The following ASCC3 variants were observed in gnomAD, a reference collection of about 807,000 sequenced individuals.
The protein encoded by ASCC3 is activating signal cointegrator 1 complex subunit 3.
In ASCC3, 158 loss-of-function variants were observed where a neutral mutation model predicts 256.3. The observed-to-expected ratio is 0.62, with a 90% CI of 0.54 to 0.70. The LOEUF is 0.70. ASCC3 is among the 30% of genes least tolerant of loss of function. The pLI is 0.00. For missense variants in ASCC3, 2,259 were observed against 2,626.0 expected (o/e 0.86, Z 3.05); for synonymous variants, 948 against 883.4 (o/e 1.07, Z -1.30).
intron 36 of ASCC3, among the ~76,000 whole-genome samples, chr6:100,585,866 G>C (rs1194355308): frequency 2.0e-5 from 3 of 152,172 alleles, no homozygotes; most frequent in Non-Finnish European, 4.4e-5. Context: ...GTTTGCCTGG[G>C]TATCAGCAGC....
chr6:100,534,692 G>C (rs1005514964), intron 37 of ASCC3, among the ~76,000 whole-genome samples: 1 of 152,102 alleles, frequency 6.6e-6, no homozygotes, highest in Non-Finnish European at 1.5e-5. Context: ...CATATTGAAA[G>C]GAACCATGAC....
At chr6:100,533,035 T>C (rs1446126268) in intron 37 of ASCC3, among the ~76,000 whole-genome samples, 1 of 152,116 alleles carries the variant, frequency 6.6e-6, no homozygotes. Flanking sequence ...GTTATAGTTA[T>C]TGTTTTCAGA....
At chr6:100,721,436 A>T (rs929498435) in intron 11 of ASCC3, among the ~76,000 whole-genome samples, 6 of 151,732 alleles carry the variant, frequency 4.0e-5, no homozygotes. Flanking sequence ...CCTTTGTGTA[A>T]ATCATGCCCT....
Position 100,767,134 on chromosome 6 carries a change from T to G in ASCC3, c.1596+11A>C. ...CAATTTAAAAAGCTGTTGTCTGATT[T>G]ATTTACTTACCTTAAATTCATTCTT... is the stretch of plus-strand genomic sequence containing the variant. On this transcript the variant is annotated intron_variant, in intron 9 of 41. Transcript: ENST00000369162. 4 of 1,611,486 alleles carry G rather than the reference T, an allele frequency of 2.5e-6. No individual in the cohort carries two copies. In the South Asian group the frequency reaches 3.3e-5, roughly 13 times the overall value.
intron 19 of ASCC3, 121 bp from the exon 20 acceptor site, chr6:100,650,835 T>TGCA: frequency 2.5e-6 from 2 of 795,156 alleles, no homozygotes; most frequent in South Asian, 3.2e-5. Context: ...AGCATTTTTC[T>TGCA]TTCATAGAGT....
chr6:100,727,682 A>AACAAC (rs1554220776), intron 10 of ASCC3, among the ~76,000 whole-genome samples: 27,716 of 144,808 alleles, frequency 0.19, 3,033 homozygotes, highest in Middle Eastern at 0.34. Flanking sequence ...ACAACAACAA[A>AACAAC]AAAGGGTCTA....
intron 4 of ASCC3, among the ~76,000 whole-genome samples, chr6:100,819,033 G>C (rs528982967): frequency 6.6e-6 from 1 of 152,112 alleles, no homozygotes; most frequent in Non-Finnish European, 1.5e-5. Flanking sequence ...GATGAAGCTA[G>C]AAACCATCAT....
At chr6:100,580,688 C>T (rs919025045) in intron 36 of ASCC3, among the ~76,000 whole-genome samples, 2 of 151,470 alleles carry the variant, frequency 1.3e-5, no homozygotes, top group African/African-American at 2.4e-5. Context: ...CCCACTAACT[C>T]GTCATCTAGC....
chr6:100,850,001 G>A (rs1772580397), intron 3 of ASCC3, among the ~76,000 whole-genome samples: 1 of 149,210 alleles, frequency 6.7e-6, no homozygotes, highest in Non-Finnish European at 1.5e-5. Context: ...TCGAGAGGCT[G>A]AGGCAGGAGG....
chr6:100,516,353 A>G, intron 38 of ASCC3, 26 bp from the exon 39 acceptor site: 1 of 1,613,098 alleles, frequency 6.2e-7, no homozygotes, highest in Non-Finnish European at 8.5e-7. Context: ...AAACCAACCA[A>G]ATAATTGTTT....
chr6:100,518,006 T>C lies in ASCC3; in HGVS notation c.5912A>G (p.His1971Arg), dbSNP rs757342455. ...AAACAATTACTTGAAAAGGTGAAGA[T>C]GATGGTTTTCTATGTTTGGTAGTGT... ...LLTLPNIENH[H>R]LHLFKKWKPI... Residue 1971 changes from histidine to arginine, a missense_variant, in exon 38 of 42, where the codon CAT becomes CGT. Around this residue, in one of 2 missense-constraint regions of ASCC3, gnomAD observed 1,839 missense variants for 2,206.7 expected, o/e 0.83. Transcript: ENST00000369162. The C allele has an allele frequency of 1.9e-6, 3 of 1,613,410 alleles. No individual in the cohort carries two copies. The highest frequency in any genetic ancestry group is 2.5e-6 in the Non-Finnish European group (3 of 1,179,508).
chr6:100,551,332 A>G (rs1769289720), intron 36 of ASCC3, among the ~76,000 whole-genome samples: 1 of 151,932 alleles, frequency 6.6e-6, no homozygotes, highest in Non-Finnish European at 1.5e-5. Flanking sequence ...TAAATGCAAA[A>G]TGGCAACTGG....
chr6:100,658,208 T>C (rs909109034), intron 16 of ASCC3, among the ~76,000 whole-genome samples: 4 of 151,570 alleles, frequency 2.6e-5, no homozygotes, highest in African/African-American at 7.2e-5. Flanking sequence ...ACATCTAACA[T>C]GACATTTCTA....
chr6:100,727,661 C>G (rs1229204281), intron 10 of ASCC3, among the ~76,000 whole-genome samples: 2 of 147,502 alleles, frequency 1.4e-5, no homozygotes, highest in Non-Finnish European at 2.9e-5. Flanking sequence ...ACAACAACAA[C>G]AACAACAACA....
chr6:100,683,579 C>T (rs1053200675), intron 13 of ASCC3, among the ~76,000 whole-genome samples: 1 of 151,930 alleles, frequency 6.6e-6, no homozygotes, highest in Admixed American at 6.6e-5. Context: ...TAAATAGACT[C>T]ATATGAAAAT....
intron 10 of ASCC3, among the ~76,000 whole-genome samples, chr6:100,756,090 A>G (rs1457547581): frequency 1.3e-5 from 2 of 151,920 alleles, no homozygotes; most frequent in Non-Finnish European, 1.5e-5. Flanking sequence ...GAATTTTTCT[A>G]TTAGGTCTGG....
chr6:100,841,013 C>T (rs779106514), intron 4 of ASCC3, among the ~76,000 whole-genome samples: 2 of 151,714 alleles, frequency 1.3e-5, no homozygotes, highest in Admixed American at 6.6e-5. Context: ...ACTGAGAAAA[C>T]TAGAGGGACA....
At chr6:100,628,086 AAAAAC>A in intron 27 of ASCC3, 99 bp from the exon 28 acceptor site, 4 of 1,241,166 alleles carry the variant, frequency 3.2e-6, no homozygotes, top group Non-Finnish European at 4.5e-6. Flanking sequence ...CTCAAAAAAC[AAAAAC>A]AAAAAAAAAA....
intron 13 of ASCC3, among the ~76,000 whole-genome samples, chr6:100,692,211 T>G (rs1318144815): frequency 6.6e-6 from 1 of 152,096 alleles, no homozygotes; most frequent in Non-Finnish European, 1.5e-5. Flanking sequence ...CTGGTATGAC[T>G]TTCTCTTTCT....
Sources: allele counts gnomAD v4.1 joint callset (sites outside exome capture counted in the v4.1 genomes callset), GRCh38; gene constraint gnomAD v4.1.1; regional missense constraint gnomAD v4.1.1; transcripts MANE v1.5; gene names NCBI Gene and HGNC (gene_info 2026-07-23, HGNC 2026-07-21).